INPP5F: variants seen among roughly 807,000 people sequenced by gnomAD.
INPP5F encodes phosphatidylinositide 4-phosphatase SAC2.
Under a neutral mutation model 137.2 loss-of-function variants are expected in INPP5F, and 97 were observed. That is an observed-to-expected ratio of 0.71 (90% confidence interval 0.60 to 0.84). The LOEUF (loss-of-function observed/expected upper bound fraction) is 0.84. Ranked by LOEUF, INPP5F falls within the 40% of genes least tolerant of loss-of-function variation. The pLI is 0.00. For missense variants in INPP5F, 1,271 were observed against 1,371.9 expected (o/e 0.93, Z 1.16); for synonymous variants, 504 against 476.9 (o/e 1.06, Z -0.74).
At chr10:119,769,033 AT>A (rs1357577416) in intron 2 of INPP5F, among the ~76,000 whole-genome samples, 7 of 152,314 alleles carry the variant, frequency 4.6e-5, no homozygotes, top group Admixed American at 2.0e-4. Context: ...GGTTTAAAGA[AT>A]TTCCATGGAG....
In INPP5F at chr10:119,808,135, T is replaced by C. The variant is rs537659219; in HGVS notation, c.1569+75T>C. 14 of 1,509,306 alleles carry C rather than the reference T, an allele frequency of 9.3e-6. No individual in the cohort carries two copies. In the Admixed American group the frequency reaches 1.7e-4, roughly 18 times the overall value. 93.5% of individuals were successfully genotyped at this position (1,509,306 alleles called of 1,614,324 possible). Reference sequence around the variant, plus strand: ...AGACTATGGTTTAAAACCACAGAAATGTGTGTGGGTTCCAGATTGCAGATG... The same window carrying C: ...AGACTATGGTTTAAAACCACAGAAACGTGTGTGGGTTCCAGATTGCAGATG... On this transcript the variant is annotated intron_variant, in intron 13 of 19. Coordinates refer to ENST00000650623, the MANE Select transcript of INPP5F (RefSeq NM_014937.4).
At chr10:119,783,897 T>C (rs1239680764) in intron 3 of INPP5F, among the ~76,000 whole-genome samples, 1 of 152,224 alleles carries the variant, frequency 6.6e-6, no homozygotes, top group African/African-American at 2.4e-5. Context: ...CTCTTGCTAA[T>C]TGGGAGTAAA....
chr10:119,777,286 C>A (rs897274750), intron 2 of INPP5F, among the ~76,000 whole-genome samples: 3 of 152,028 alleles, frequency 2.0e-5, no homozygotes, highest in Non-Finnish European at 4.4e-5. Context: ...AAGTCGGGCG[C>A]ATCACAAGGT....
At chr10:119,732,789 A>T (rs1848121656) in intron 1 of INPP5F, among the ~76,000 whole-genome samples, 1 of 152,210 alleles carries the variant, frequency 6.6e-6, no homozygotes. Context: ...GGCGTGAGCC[A>T]CCGCAACTGG....
At chr10:119,770,212 C>T (rs1374022873) in intron 2 of INPP5F, among the ~76,000 whole-genome samples, 1 of 152,090 alleles carries the variant, frequency 6.6e-6, no homozygotes, top group Non-Finnish European at 1.5e-5. Flanking sequence ...TTGACTTTTT[C>T]CCCCATTGTA....
intron 2 of INPP5F, among the ~76,000 whole-genome samples, chr10:119,779,956 AC>A (rs1849649150): frequency 6.6e-6 from 1 of 152,148 alleles, no homozygotes; most frequent in Non-Finnish European, 1.5e-5. Context: ...AAATATGTAA[AC>A]CAGTAACAGT....
chr10:119,798,490 A>G lies in INPP5F; in HGVS notation c.1049-53A>G, dbSNP rs1050993636. The G allele has an allele frequency of 6.5e-6, 8 of 1,228,386 alleles. No individual in the cohort carries two copies. In the South Asian group the frequency reaches 7.6e-5, roughly 12 times the overall value. 76.1% of individuals were successfully genotyped at this position (1,228,386 alleles called of 1,614,324 possible). A position where few individuals can be genotyped will look rare whatever the true frequency, so the allele number is the denominator to read the frequency against. ...TAAGAATAAAGATGGAGTAGACACT[A>G]ATATGTCTTAAACATGGGAAGGAAA... On this transcript the variant is annotated intron_variant, in intron 8 of 19. Coordinates refer to ENST00000650623, the MANE Select transcript of INPP5F (RefSeq NM_014937.4).
At position 119,726,305 on chromosome 10, in the gene INPP5F, G is replaced by T; in HGVS notation, c.43G>T (p.Gly15Cys). ...CAAGGACCACTACATCCTGCAGCAGGGCGAGCGCGCGCTGTGGTGCAGCCG... is the reference window on the plus strand; with the variant it reads ...CAAGGACCACTACATCCTGCAGCAGTGCGAGCGCGCGCTGTGGTGCAGCCG... ...QAKDHYILQQ[G>C]ERALWCSRRD... Residue 15 changes from glycine to cysteine, a missense_variant, in exon 1 of 20, where the codon GGC becomes TGC. This residue lies in a region of INPP5F where 109 missense variants were observed against 105.1 expected (regional missense o/e 1.04). Transcript: ENST00000650623. 6.7e-7 allele frequency: 1 copy of T among 1,488,122 alleles called. No homozygotes were observed. The highest frequency in any genetic ancestry group is 8.9e-7 in the Non-Finnish European group (1 of 1,118,042). 92.2% of individuals were successfully genotyped at this position (1,488,122 alleles called of 1,614,324 possible).
intron 2 of INPP5F, among the ~76,000 whole-genome samples, chr10:119,767,182 G>T (rs1849199582): frequency 6.6e-6 from 1 of 150,666 alleles, no homozygotes; most frequent in Non-Finnish European, 1.5e-5. Flanking sequence ...ATGGGAGCAT[G>T]GAGGGGTAGG....
intron 1 of INPP5F, among the ~76,000 whole-genome samples, chr10:119,734,298 A>G (rs901371047): frequency 1.3e-5 from 2 of 152,176 alleles, no homozygotes; most frequent in African/African-American, 4.8e-5. Context: ...TGGAAAATCA[A>G]ACTAGTTTGA....
chr10:119,750,133 T>C (rs1848650409), intron 1 of INPP5F, among the ~76,000 whole-genome samples: 1 of 152,206 alleles, frequency 6.6e-6, no homozygotes, highest in East Asian at 1.9e-4. Flanking sequence ...CAAGATGCAA[T>C]AGTCAAAACT....
intron 9 of INPP5F, among the ~76,000 whole-genome samples, chr10:119,800,744 AAAGTT>A (rs1275251835): frequency 1.3e-5 from 2 of 151,982 alleles, no homozygotes; most frequent in South Asian, 2.1e-4. Context: ...CTAACATAAA[AAAGTT>A]AAGAAGCTTA....
Position 119,791,993 on chromosome 10 carries a change from G to A in INPP5F, c.569G>A (p.Arg190Lys). The part of the protein sequence containing the change: ...LTYDLTNSVQ[R>K]QSTGERDGRP... ...TATGACCTGACCAATTCCGTGCAGAGGCAGAGCACTGGGGAGAGGGACGGT... is the reference window on the plus strand; with the variant it reads ...TATGACCTGACCAATTCCGTGCAGAAGCAGAGCACTGGGGAGAGGGACGGT... Residue 190 changes from arginine (R) to lysine (K), a missense_variant, in exon 5 of 20, where the codon AGG becomes AAG. By Grantham distance (26) the Arg-to-Lys change is conservative (BLOSUM62 2). Transcript: ENST00000650623. 1 of 1,614,252 alleles carries A rather than the reference G, an allele frequency of 6.2e-7. No homozygotes were observed. Among genetic ancestry groups the A allele is most frequent in the Non-Finnish European group, 8.5e-7 (1 of 1,180,058 alleles).
At chr10:119,740,628 C>T (rs761672653) in intron 1 of INPP5F, among the ~76,000 whole-genome samples, 5 of 152,130 alleles carry the variant, frequency 3.3e-5, no homozygotes, top group Non-Finnish European at 4.4e-5. Context: ...CTGCAACCTC[C>T]GCCTTCTGGT....
At chr10:119,819,573 A>T (rs147420780) in intron 15 of INPP5F, 1 of 1,558,026 alleles carries the variant, frequency 6.4e-7, no homozygotes, top group East Asian at 2.3e-5. Flanking sequence ...AACATTTTAC[A>T]GTGTTATTTG....
At chr10:119,770,064 T>C (rs963794644) in intron 2 of INPP5F, among the ~76,000 whole-genome samples, 7 of 152,182 alleles carry the variant, frequency 4.6e-5, no homozygotes, top group Non-Finnish European at 8.8e-5. Context: ...CAATTGAATC[T>C]TTTCCAGGAC....
At chr10:119,823,953 ATTTG>A (rs1438135816) in intron 19 of INPP5F, 51 bp downstream of exon 19, 1 of 1,366,946 alleles carries the variant, frequency 7.3e-7, no homozygotes, top group Non-Finnish European at 1.0e-6. Context: ...CCAAGGTCTT[ATTTG>A]TTTAAAATTA....
intron 1 of INPP5F, among the ~76,000 whole-genome samples, chr10:119,745,355 T>C (rs991139849): frequency 6.8e-5 from 10 of 146,598 alleles, no homozygotes; most frequent in Non-Finnish European, 1.5e-4. Context: ...TTATTTTTTC[T>C]TTTTTTTTTC....
chr10:119,772,150 G>A (rs897998339), intron 2 of INPP5F, among the ~76,000 whole-genome samples: 9 of 151,484 alleles, frequency 5.9e-5, no homozygotes, highest in South Asian at 2.1e-4. Flanking sequence ...TGCCTACCTC[G>A]GCCTCCCAAA....
Sources: allele counts gnomAD v4.1 joint callset (sites outside exome capture counted in the v4.1 genomes callset), GRCh38; gene constraint gnomAD v4.1.1; regional missense constraint gnomAD v4.1.1; transcripts MANE v1.5; gene names NCBI Gene and HGNC (gene_info 2026-07-23, HGNC 2026-07-21).